FGF12: variants seen among roughly 807,000 people sequenced by gnomAD.
FGF12 encodes the protein fibroblast growth factor 12, also known as fibroblast growth factor 12B.
Under a neutral mutation model 23.6 loss-of-function variants are expected in FGF12, and 14 were observed. The ratio of observed to expected loss-of-function variants is 0.59; its 90% CI spans 0.39 to 0.93. The LOEUF is 0.93. Among genes scored for constraint, FGF12 ranks in the 40% least tolerant of loss-of-function variants. The probability of loss-of-function intolerance (pLI) is 0.00; values close to 1 mark genes in which losing one functional copy is unlikely to be tolerated. For synonymous variants in FGF12, 62 were observed against 77.3 expected, an observed-to-expected ratio of 0.80 and a Z score of 1.04; for missense variants, 175 against 217.8, an observed-to-expected ratio of 0.80 and a Z score of 1.24.
intron 2 of FGF12, among the ~76,000 whole-genome samples, chr3:192,403,069 G>GA: frequency 1.3e-5 from 2 of 152,128 alleles, no homozygotes; most frequent in South Asian, 4.1e-4. Flanking sequence ...GAAGAGACAA[G>GA]AAAAAATTGA....
intron 2 of FGF12, among the ~76,000 whole-genome samples, chr3:192,410,205 G>T (rs909777820): frequency 6.6e-6 from 1 of 152,212 alleles, no homozygotes; most frequent in Non-Finnish European, 1.5e-5. Context: ...AGCACAGCGC[G>T]CTCTAGTCAG....
chr3:192,355,066 T>TA (rs1718408410), intron 3 of FGF12, among the ~76,000 whole-genome samples: 1 of 152,230 alleles, frequency 6.6e-6, no homozygotes, highest in Non-Finnish European at 1.5e-5. Context: ...AACACAATTT[T>TA]AGAGTAAATT....
chr3:192,422,014 T>C (rs1048537662), intron 2 of FGF12, among the ~76,000 whole-genome samples: 1 of 137,698 alleles, frequency 7.3e-6, no homozygotes, highest in Non-Finnish European at 1.5e-5. Flanking sequence ...ATAGTTGGAC[T>C]TCAAAGGTTT....
intron 2 of FGF12, among the ~76,000 whole-genome samples, chr3:192,506,439 C>T (rs934279016): frequency 1.2e-4 from 19 of 152,174 alleles, no homozygotes; most frequent in African/African-American, 4.1e-4. Flanking sequence ...GGCATGATCT[C>T]GGCTCACCGC....
At chr3:192,224,431 A>G (rs549014582) in intron 4 of FGF12, among the ~76,000 whole-genome samples, 1 of 152,266 alleles carries the variant, frequency 6.6e-6, no homozygotes, top group South Asian at 2.1e-4. Flanking sequence ...ATGGCTTGAT[A>G]AAGTGAAAAG....
At chr3:192,305,859 T>TTG (rs1380044325) in intron 4 of FGF12, among the ~76,000 whole-genome samples, 3 of 127,388 alleles carry the variant, frequency 2.4e-5, no homozygotes, top group African/African-American at 9.4e-5. Context: ...CTCTGGTTTT[T>TTG]TTTTTTTTTT....
chr3:192,350,572 T>C (rs544808238), intron 3 of FGF12, among the ~76,000 whole-genome samples: 42 of 152,210 alleles, frequency 2.8e-4, no homozygotes, highest in Non-Finnish European at 5.3e-4. Flanking sequence ...GTATGAAGAT[T>C]ATGAGGGATT....
intron 2 of FGF12, among the ~76,000 whole-genome samples, chr3:192,638,139 C>T (rs1715652902): frequency 6.6e-6 from 1 of 152,002 alleles, no homozygotes; most frequent in Non-Finnish European, 1.5e-5. Flanking sequence ...TATATATGTA[C>T]ATATATAAAT....
At chr3:192,465,029 T>C (rs1276538287) in intron 2 of FGF12, among the ~76,000 whole-genome samples, 2 of 152,224 alleles carry the variant, frequency 1.3e-5, no homozygotes, top group Admixed American at 1.3e-4. Context: ...TATAACACAG[T>C]ACAACTTCAA....
chr3:192,305,679 A>AAAAAATAT (rs1423738741), intron 4 of FGF12, among the ~76,000 whole-genome samples: 120 of 131,928 alleles, frequency 9.1e-4, no homozygotes, highest in African/African-American at 3.3e-3. Context: ...AAAAAAAAAA[A>AAAAAATAT]ATATATATAT....
Position 192,361,989 on chromosome 3 carries a change from G to A in FGF12, c.14-1451C>T, listed in dbSNP as rs573652510. 1.7e-4 allele frequency among the ~76,000 whole-genome samples: 26 copies of A among 152,288 alleles called. No homozygotes were observed. The South Asian group carries it at 2.5e-3, about 15-fold the overall frequency. ...TATCTTTATGAGTTAAATAAATTCC[G>A]TTTTTTAAATTTGTGAACCTCAATG... On this transcript the variant is annotated intron_variant, in intron 2 of 5. Coordinates refer to ENST00000445105, the MANE Select transcript of FGF12 (RefSeq NM_004113.6).
Position 192,142,109 on chromosome 3 carries a change from A to G in FGF12, c.*1900T>C, listed in dbSNP as rs1420809089. On this transcript the variant is annotated 3_prime_UTR_variant, in exon 6 of 6. Transcript: ENST00000445105. ...TTGTTACTTTCCAAATATTTTGGTT[A>G]AACAAATATCTCTTGCAAATGTATC... 6.6e-6 allele frequency: 1 copy of G among 152,520 alleles called. No homozygotes were observed. Among genetic ancestry groups the G allele is most frequent in the Non-Finnish European group, 1.5e-5 (1 of 67,940 alleles). 9.4% of individuals were successfully genotyped at this position (152,520 alleles called of 1,614,324 possible).
chr3:192,654,418 T>TA (rs11359433), intron 2 of FGF12, among the ~76,000 whole-genome samples: 3 of 151,920 alleles, frequency 2.0e-5, no homozygotes, highest in Admixed American at 1.3e-4. Context: ...ATCTAAATGA[T>TA]AAAAAAAATA....
intron 2 of FGF12, among the ~76,000 whole-genome samples, chr3:192,491,236 T>C (rs1157964944): frequency 6.6e-6 from 1 of 152,134 alleles, no homozygotes; most frequent in Non-Finnish European, 1.5e-5. Context: ...TGTTTGTATA[T>C]GTAAACACCT....
chr3:192,684,342 C>T (rs1180961050), intron 2 of FGF12, among the ~76,000 whole-genome samples: 3 of 152,190 alleles, frequency 2.0e-5, no homozygotes, highest in Non-Finnish European at 4.4e-5. Context: ...AGTGAGTAAT[C>T]ATCACGAGTG....
At position 192,307,374 on chromosome 3, in the gene FGF12, CT is replaced by C. The variant is rs544600268; in HGVS notation, c.228+27986del. 8.5e-5 allele frequency among the ~76,000 whole-genome samples: 13 copies of C among 152,146 alleles called. No individual in the cohort carries two copies. The East Asian group carries it at 1.9e-3, about 23-fold the overall frequency. Reference sequence around the variant, plus strand: ...AGGGTACGCTTTAGGTAATGAAGTTCTAATATCAGAGATAGCAGCAACGACA... The same window carrying C: ...AGGGTACGCTTTAGGTAATGAAGTTCAATATCAGAGATAGCAGCAACGACA... On this transcript the variant is annotated intron_variant, in intron 4 of 5. Coordinates refer to ENST00000445105, the MANE Select transcript of FGF12 (RefSeq NM_004113.6).
rs147161311 is a variant in FGF12 at position 192,716,129 on chromosome 3, C to T, written c.13+11052G>A. ...AAGATCTAGACTAGCAGCATCAACA[C>T]CTTCTGGGAACTTGTAGAAAAGTAA... On this transcript the variant is annotated intron_variant, in intron 2 of 5. Coordinates refer to ENST00000445105, the MANE Select transcript of FGF12 (RefSeq NM_004113.6). 3.1e-3 allele frequency among the ~76,000 whole-genome samples: 475 copies of T among 152,334 alleles called. 13 individuals carry two copies. In the East Asian group the frequency reaches 0.051, roughly 16 times the overall value.
intron 4 of FGF12, among the ~76,000 whole-genome samples, chr3:192,252,912 G>A (rs970437900): frequency 1.4e-4 from 22 of 151,942 alleles, no homozygotes; most frequent in African/African-American, 5.3e-4. Flanking sequence ...TTATACCCTG[G>A]GGGAACTGAT....
intron 4 of FGF12, among the ~76,000 whole-genome samples, chr3:192,317,201 A>G (rs1040445492): frequency 2.0e-5 from 3 of 151,784 alleles, no homozygotes; most frequent in African/African-American, 7.3e-5. Context: ...AGAAAAGGAG[A>G]GGAAAGAGTA....
Sources: allele counts gnomAD v4.1 joint callset (sites outside exome capture counted in the v4.1 genomes callset), GRCh38; gene constraint gnomAD v4.1.1; transcripts MANE v1.5; gene names NCBI Gene and HGNC (gene_info 2026-07-23, HGNC 2026-07-21).